The following KCNJ6 variants were observed in gnomAD, a reference collection of about 807,000 sequenced individuals.
KCNJ6 encodes the protein G protein-activated inward rectifier potassium channel 2.
Under a neutral mutation model 34.2 loss-of-function variants are expected in KCNJ6, and 9 were observed. The observed-to-expected ratio is 0.26, with a 90% CI of 0.16 to 0.46. KCNJ6 has a LOEUF of 0.46. Ranked by LOEUF, KCNJ6 falls within the 20% of genes least tolerant of loss-of-function variation. KCNJ6 has a pLI of 1.00. For missense variants in KCNJ6, 236 were observed against 531.3 expected (o/e 0.44, Z 5.46); for synonymous variants, 196 against 207.1 (o/e 0.95, Z 0.46).
At chr21:37,794,570 T>G (rs2055231944) in intron 2 of KCNJ6, among the ~76,000 whole-genome samples, 4 of 152,236 alleles carry the variant, frequency 2.6e-5, no homozygotes, top group Non-Finnish European at 4.4e-5. Flanking sequence ...GAGGCACTCA[T>G]AGCTGCTGTG....
chr21:37,751,988 T>C (rs2054998108), intron 2 of KCNJ6, among the ~76,000 whole-genome samples: 1 of 152,148 alleles, frequency 6.6e-6, no homozygotes, highest in Non-Finnish European at 1.5e-5. Context: ...AAGAGTGCAT[T>C]AGGAACAGTT....
At position 37,617,057 on chromosome 21, in the gene KCNJ6, CTT is replaced by C. The variant is rs59407025; in HGVS notation, c.*8100_*8101del. The C allele has an allele frequency of 5.6e-5, 3 of 53,358 alleles. No homozygotes were observed. Among genetic ancestry groups the C allele is most frequent in the Admixed American group, 2.1e-4 (1 of 4,660 alleles). The allele number at this position is 53,358 out of a possible 1,614,324, so 3.3% of individuals were successfully genotyped here. A position where few individuals can be genotyped will look rare whatever the true frequency, so the allele number is the denominator to read the frequency against. On this transcript the variant is annotated 3_prime_UTR_variant, in exon 4 of 4. Coordinates refer to ENST00000609713, the MANE Select transcript of KCNJ6 (RefSeq NM_002240.5). Reference sequence around the variant, plus strand: ...CTTTCTTTCTTTCTTTCTTTCTTTTCTTTTCTTTTCTTTTCTTTTCTTTCTTT... The same window carrying C: ...CTTTCTTTCTTTCTTTCTTTCTTTTCTTCTTTTCTTTTCTTTTCTTTCTTT...
intron 1 of KCNJ6, among the ~76,000 whole-genome samples, chr21:37,879,463 T>A (rs577617079): frequency 6.6e-6 from 1 of 152,096 alleles, no homozygotes; most frequent in Non-Finnish European, 1.5e-5. Flanking sequence ...GTAAGGGGGT[T>A]GGCTATGACC....
chr21:37,812,080 T>C (rs1306937307), intron 2 of KCNJ6, among the ~76,000 whole-genome samples: 2 of 152,252 alleles, frequency 1.3e-5, no homozygotes, highest in Non-Finnish European at 2.9e-5. Flanking sequence ...TTAGACCATT[T>C]GGGGTCCTTC....
intron 3 of KCNJ6, among the ~76,000 whole-genome samples, chr21:37,650,065 A>C (rs1297022299): frequency 3.3e-5 from 5 of 152,098 alleles, no homozygotes; most frequent in Admixed American, 3.3e-4. Flanking sequence ...GCCTGGCCTA[A>C]TTCCAGCATT....
chr21:37,839,910 C>T (rs1422954332), intron 2 of KCNJ6, among the ~76,000 whole-genome samples: 2 of 152,206 alleles, frequency 1.3e-5, no homozygotes, highest in Non-Finnish European at 2.9e-5. Flanking sequence ...TCTCCTGCCT[C>T]AGCTTCCGAA....
intron 3 of KCNJ6, among the ~76,000 whole-genome samples, chr21:37,637,250 T>C (rs992196344): frequency 1.3e-5 from 2 of 152,224 alleles, no homozygotes; most frequent in Non-Finnish European, 1.5e-5. Flanking sequence ...TTTTGCCAAC[T>C]GCCGAACATT....
intron 1 of KCNJ6, among the ~76,000 whole-genome samples, chr21:37,878,007 TAATTCTGAGAGTACACTCCATAGG>T (rs2055687479): frequency 6.6e-6 from 1 of 152,238 alleles, no homozygotes; most frequent in South Asian, 2.1e-4. Flanking sequence ...AGAAATGACT[TAATTCTGAGAGTACACTCCATAGG>T]AATGGATGAC....
intron 2 of KCNJ6, among the ~76,000 whole-genome samples, chr21:37,829,264 T>C (rs1265304099): frequency 6.6e-6 from 1 of 151,460 alleles, no homozygotes; most frequent in Admixed American, 6.6e-5. Context: ...TGAGATGGGG[T>C]GGCAGTTGGT....
chr21:37,866,692 C>T (rs560124328), intron 1 of KCNJ6, among the ~76,000 whole-genome samples: 11 of 152,242 alleles, frequency 7.2e-5, no homozygotes, highest in African/African-American at 2.4e-4. Context: ...GCAATTCCCA[C>T]GAAACAGCAC....
chr21:37,880,455 C>T (rs1191508672), intron 1 of KCNJ6, among the ~76,000 whole-genome samples: 2 of 152,226 alleles, frequency 1.3e-5, no homozygotes, highest in East Asian at 3.8e-4. Context: ...CTATCTTCTT[C>T]CCACTCAAGT....
chr21:37,804,877 A>T (rs181222486), intron 2 of KCNJ6, among the ~76,000 whole-genome samples: 93 of 152,306 alleles, frequency 6.1e-4, no homozygotes, highest in Middle Eastern at 3.4e-3. Flanking sequence ...ACTACTATTC[A>T]CAACAGCCAA....
At chr21:37,734,718 T>A (rs546181723) in intron 2 of KCNJ6, among the ~76,000 whole-genome samples, 61 of 150,474 alleles carry the variant, frequency 4.1e-4, no homozygotes, top group African/African-American at 1.5e-3. Context: ...AAGGAGGGGG[T>A]GACATGGAAG....
chr21:37,650,052 C>A (rs567749261), intron 3 of KCNJ6, among the ~76,000 whole-genome samples: 1 of 152,060 alleles, frequency 6.6e-6, no homozygotes, highest in Admixed American at 6.5e-5. Context: ...TGTGAACCAC[C>A]GCGCCTGGCC....
At chr21:37,771,138 C>A (rs1008328670) in intron 2 of KCNJ6, among the ~76,000 whole-genome samples, 1 of 152,144 alleles carries the variant, frequency 6.6e-6, no homozygotes, top group East Asian at 1.9e-4. Context: ...AGTTGATAGG[C>A]GTGGTCTTTG....
chr21:37,875,665 T>C (rs2055674635), intron 1 of KCNJ6, among the ~76,000 whole-genome samples: 1 of 152,176 alleles, frequency 6.6e-6, no homozygotes, highest in Non-Finnish European at 1.5e-5. Flanking sequence ...TTAAAAGTAA[T>C]TTTCTCTTTG....
intron 1 of KCNJ6, among the ~76,000 whole-genome samples, chr21:37,882,341 G>A (rs2123624845): frequency 6.6e-6 from 1 of 152,236 alleles, no homozygotes; most frequent in African/African-American, 2.4e-5. Flanking sequence ...AGAAGTGCTG[G>A]GGAGATGGGG....
At chr21:37,644,432 A>G (rs984786223) in intron 3 of KCNJ6, among the ~76,000 whole-genome samples, 1 of 152,240 alleles carries the variant, frequency 6.6e-6, no homozygotes, top group African/African-American at 2.4e-5. Context: ...AATGCCATAT[A>G]ATACCTATTA....
At chr21:37,889,050 G>T (rs1044804950) in intron 1 of KCNJ6, among the ~76,000 whole-genome samples, 1 of 152,236 alleles carries the variant, frequency 6.6e-6, no homozygotes, top group African/African-American at 2.4e-5. Context: ...CTGTCTGCAA[G>T]AAGGAAGGTA....
Sources: allele counts gnomAD v4.1 joint callset (sites outside exome capture counted in the v4.1 genomes callset), GRCh38; gene constraint gnomAD v4.1.1; transcripts MANE v1.5; gene names NCBI Gene and HGNC (gene_info 2026-07-23, HGNC 2026-07-21).